The following DARS1 variants were observed in gnomAD, a reference collection of about 807,000 sequenced individuals.
DARS1 encodes aspartyl-tRNA synthetase 1.
Under a neutral mutation model 68.8 loss-of-function variants are expected in DARS1, and 51 were observed. The observed-to-expected ratio is 0.74, with a 90% CI of 0.59 to 0.94. DARS1 has a LOEUF of 0.94. DARS1 is among the 40% of genes least tolerant of loss of function. DARS1 has a pLI of 0.00. For missense variants in DARS1, 607 were observed against 597.3 expected (o/e 1.02, Z -0.17); for synonymous variants, 203 against 190.4 (o/e 1.07, Z -0.55).
Position 135,931,469 on chromosome 2 carries a change from C to T in DARS1, c.564+1314G>A, listed in dbSNP as rs150665973. Among the ~76,000 whole-genome samples the T allele has an allele frequency of 1.3e-4, 20 of 152,252 alleles. No individual in the cohort carries two copies. In the East Asian group the frequency reaches 3.5e-3, roughly 26 times the overall value. On this transcript the variant is annotated intron_variant, in intron 7 of 15. Coordinates refer to ENST00000264161, the MANE Select transcript of DARS1 (RefSeq NM_001349.4). ...CCCAGGCTGGTTTTAAACTCGTGTG[C>T]TCAAGCATTCTTCCCACCTCAGGCT...
At position 135,985,525 on chromosome 2, in the gene DARS1, G is replaced by C; in HGVS notation, c.-57C>G. The C allele has an allele frequency of 6.2e-7, 1 of 1,612,982 alleles. No individual in the cohort carries two copies. Among genetic ancestry groups the C allele is most frequent in the Non-Finnish European group, 8.5e-7 (1 of 1,179,610 alleles). On this transcript the variant is annotated 5_prime_UTR_variant, in exon 1 of 16. Transcript: ENST00000264161. Reference sequence around the variant, plus strand: ...CTCCCTCGCAGGCTTCCGTAAGGCAGGCCAAAGGGGCTTCTCCCTCCCTCC... The same window carrying C: ...CTCCCTCGCAGGCTTCCGTAAGGCACGCCAAAGGGGCTTCTCCCTCCCTCC...
chr2:135,935,493 G>C (rs1457018581), intron 5 of DARS1, among the ~76,000 whole-genome samples: 2 of 151,966 alleles, frequency 1.3e-5, no homozygotes, highest in Admixed American at 1.3e-4. Flanking sequence ...CCAGCTACTC[G>C]GGAGGCTGAG....
intron 3 of DARS1, among the ~76,000 whole-genome samples, chr2:135,978,485 T>G (rs1236999727): frequency 6.6e-6 from 1 of 152,250 alleles, no homozygotes; most frequent in Non-Finnish European, 1.5e-5. Flanking sequence ...TTGTTCTGCC[T>G]ACTTCACAAA....
At chr2:135,952,132 TACCC>T (rs1398656395) in intron 4 of DARS1, among the ~76,000 whole-genome samples, 1 of 152,090 alleles carries the variant, frequency 6.6e-6, no homozygotes, top group Non-Finnish European at 1.5e-5. Flanking sequence ...TTTACCCAGC[TACCC>T]AGGAGGCTGA....
At chr2:135,957,464 C>G (rs558134618) in intron 4 of DARS1, among the ~76,000 whole-genome samples, 1 of 152,092 alleles carries the variant, frequency 6.6e-6, no homozygotes, top group Non-Finnish European at 1.5e-5. Flanking sequence ...GTGATCTGCC[C>G]GCCTCGGCCT....
Position 135,924,509 on chromosome 2 carries a change from G to A in DARS1, c.565-11C>T, listed in dbSNP as rs1371247537. 1 of 1,597,524 alleles carries A rather than the reference G, an allele frequency of 6.3e-7. No individual in the cohort carries two copies. The highest frequency in any genetic ancestry group is 1.4e-5 in the African/African-American group (1 of 73,700). The stretch of plus-strand genomic sequence containing the variant: ...CTGACTAGTTGATGTCTAGAAGACA[G>A]TAATAAAATCTAATTAAATCAACGT... On this transcript the variant is annotated splice_polypyrimidine_tract_variant and intron_variant, in intron 7 of 15. Transcript: ENST00000264161.
chr2:135,933,505 T>C (rs368201613), intron 6 of DARS1, among the ~76,000 whole-genome samples: 11 of 152,218 alleles, frequency 7.2e-5, no homozygotes, highest in Admixed American at 5.2e-4. Context: ...CTAAATACAA[T>C]GTCACTCTTA....
At chr2:135,937,605 G>C (rs1431689990) in intron 5 of DARS1, among the ~76,000 whole-genome samples, 1 of 152,122 alleles carries the variant, frequency 6.6e-6, no homozygotes, top group Non-Finnish European at 1.5e-5. Context: ...TTACAATTTG[G>C]CATGTTTTTG....
intron 4 of DARS1, among the ~76,000 whole-genome samples, chr2:135,960,098 A>G (rs1310562900): frequency 6.6e-6 from 1 of 152,168 alleles, no homozygotes; most frequent in Non-Finnish European, 1.5e-5. Flanking sequence ...GTTGGAAGAC[A>G]AATGCACCCC....
intron 4 of DARS1, among the ~76,000 whole-genome samples, chr2:135,957,815 CT>C (rs1483517136): frequency 6.6e-6 from 1 of 152,104 alleles, no homozygotes; most frequent in African/African-American, 2.4e-5. Flanking sequence ...ACTTAAAGAC[CT>C]ACAAATACCA....
rs553201958 is a variant in DARS1 at position 135,918,966 on chromosome 2, T to C, written c.959+1487A>G. Among the ~76,000 whole-genome samples the C allele has an allele frequency of 2.4e-4, 37 of 152,366 alleles. 1 individual carries two copies. The highest frequency in any genetic ancestry group is 6.5e-4 in the Admixed American group (10 of 15,308). Reference sequence around the variant, plus strand: ...TAACTAGCTATCAAAGGTACAAAGCTGCAGAGAATGCCTGGAAATACTGGC... The same window carrying C: ...TAACTAGCTATCAAAGGTACAAAGCCGCAGAGAATGCCTGGAAATACTGGC... On this transcript the variant is annotated intron_variant, in intron 10 of 15. Coordinates refer to ENST00000264161, the MANE Select transcript of DARS1 (RefSeq NM_001349.4).
chr2:135,947,084 C>G (rs1014421281), intron 4 of DARS1, among the ~76,000 whole-genome samples: 4 of 143,974 alleles, frequency 2.8e-5, no homozygotes, highest in Non-Finnish European at 6.1e-5. Flanking sequence ...GCCTGGCAAA[C>G]ACACTTTTAT....
chr2:135,979,392 T>C (rs1240873289), intron 2 of DARS1, 26 bp from the exon 3 acceptor site: 2 of 890,774 alleles, frequency 2.2e-6, no homozygotes, highest in African/African-American at 3.3e-5. Context: ...ACGATTTTTA[T>C]ATAGTAAAAT....
Position 135,907,261 on chromosome 2 carries a change from T to TTTTTTTTTTTTTTTTGGGGGGGGG in DARS1, c.*54_*55insCCCCCCCCCAAAAAAAAAAAAAAA. ...GGCTTTCTTTTTTTTTTTTTTTTTTTGAGGCAGGGTCTCGCTCTGTCATCC... is the reference window on the plus strand; with the variant it reads ...GGCTTTCTTTTTTTTTTTTTTTTTTTTTTTTTTTTTTTTTTGGGGGGGGGGAGGCAGGGTCTCGCTCTGTCATCC... On this transcript the variant is annotated 3_prime_UTR_variant, in exon 16 of 16. Transcript: ENST00000264161. 1 of 889,242 alleles carries TTTTTTTTTTTTTTTTGGGGGGGGG rather than the reference T, an allele frequency of 1.1e-6. No homozygotes were observed. Among genetic ancestry groups the TTTTTTTTTTTTTTTTGGGGGGGGG allele is most frequent in the Non-Finnish European group, 1.7e-6 (1 of 601,878 alleles). The allele number at this position is 889,242 out of a possible 1,614,324, so 55.1% of individuals were successfully genotyped here. A position where few individuals can be genotyped will look rare whatever the true frequency, so the allele number is the denominator to read the frequency against.
chr2:135,932,837 T>C lies in DARS1; in HGVS notation c.510A>G (p.Gly170=). The change falls in exon 7 of 16, where the codon GGA becomes GGG. Residue 170 remains glycine (G), a synonymous_variant. Transcript: ENST00000264161. The part of the protein sequence containing the change: ...VRPEAEGEEE[G]RATVNQDTRL... The stretch of plus-strand genomic sequence containing the variant: ...TTGTATCCTGGTTAACAGTAGCTCT[T>C]CCTTCCTAAAAAAAAAAAAAAAGAA... 8.1e-7 allele frequency: 1 copy of C among 1,239,852 alleles called. No homozygotes were observed. 76.8% of individuals were successfully genotyped at this position (1,239,852 alleles called of 1,614,324 possible).
chr2:135,960,789 A>G (rs1009045007), intron 4 of DARS1, among the ~76,000 whole-genome samples: 7 of 152,130 alleles, frequency 4.6e-5, no homozygotes, highest in African/African-American at 1.7e-4. Context: ...TTCTATCTCT[A>G]TATCTGCCTC....
chr2:135,910,653 AAAC>A (rs1680877431), intron 15 of DARS1, among the ~76,000 whole-genome samples: 1 of 152,204 alleles, frequency 6.6e-6, no homozygotes, highest in African/African-American at 2.4e-5. Flanking sequence ...ACCCCAAAAC[AAAC>A]AACAAATAAA....
At chr2:135,966,309 T>C (rs1186613736) in intron 3 of DARS1, among the ~76,000 whole-genome samples, 7 of 152,160 alleles carry the variant, frequency 4.6e-5, no homozygotes, top group African/African-American at 1.7e-4. Context: ...ATTTTTACCA[T>C]ACCCATAAAT....
upstream of DARS1, chr2:135,985,630 G>C (rs1682772917): frequency 6.2e-6 from 9 of 1,452,266 alleles, no homozygotes; most frequent in East Asian, 1.8e-4. Context: ...GAAAGATCGC[G>C]AGAGCTGCGG....
Sources: gnomAD v4.1 joint callset for allele counts (sites outside exome capture counted in the v4.1 genomes callset) on GRCh38, gnomAD v4.1.1 for gene constraint, MANE v1.5 for transcripts, NCBI Gene and HGNC (gene_info 2026-07-23, HGNC 2026-07-21) for gene names.